CEACAM1: variants seen among roughly 807,000 people sequenced by gnomAD.
CEACAM1 encodes CEA cell adhesion molecule 1.
In CEACAM1, 31 loss-of-function variants were observed where a neutral mutation model predicts 49.1. That is an observed-to-expected ratio of 0.63 (90% CI 0.47 to 0.85). The LOEUF is 0.85. Ranked by LOEUF, CEACAM1 falls within the 40% of genes least tolerant of loss-of-function variation. CEACAM1 has a pLI of 0.00. For synonymous variants in CEACAM1, 244 were observed against 247.8 expected (o/e 0.98, Z 0.14); for missense variants, 570 against 645.3 (o/e 0.88, Z 1.26).
chr19:42,508,593 A>G lies in CEACAM1; in HGVS notation c.*516T>C, dbSNP rs910332715. The G allele has an allele frequency of 6.4e-6, 1 of 156,058 alleles. No individual in the cohort carries two copies. The highest frequency in any genetic ancestry group is 2.4e-5 in the African/African-American group (1 of 41,468). The allele number at this position is 156,058 out of a possible 1,614,324, so 9.7% of individuals were successfully genotyped here. A position where few individuals can be genotyped will look rare whatever the true frequency, so the allele number is the denominator to read the frequency against. On this transcript the variant is annotated 3_prime_UTR_variant, in exon 9 of 9. Transcript: ENST00000161559. ...GGTGTGGCATTTCACTATTGGTTAT[A>G]TATTTGATTTTCTTGTGTTTGGTGA...
rs146194211 is a variant in CEACAM1 at position 42,512,824 on chromosome 19, C to G, written c.1247-345G>C. Among the ~76,000 whole-genome samples the G allele has an allele frequency of 2.4e-4, 36 of 152,162 alleles. 1 individual carries two copies. Among genetic ancestry groups the G allele is most frequent in the African/African-American group, 8.2e-4 (34 of 41,500 alleles). On this transcript the variant is annotated intron_variant, in intron 5 of 8. Transcript: ENST00000161559. The stretch of plus-strand genomic sequence containing the variant: ...TGGACTACAGGCACGTGCCACCACA[C>G]CTGGCTAATTTCTGTATTTTTTTAG...
At chr19:42,516,474 C>G (rs1292243975) in intron 5 of CEACAM1, among the ~76,000 whole-genome samples, 1 of 151,864 alleles carries the variant, frequency 6.6e-6, no homozygotes, top group Non-Finnish European at 1.5e-5. Context: ...CCTGAAAATA[C>G]AAAACATTGC....
At position 42,509,245 on chromosome 19, in the gene CEACAM1, A is replaced by G; in HGVS notation, c.1462-17T>C. The G allele has an allele frequency of 6.3e-7, 1 of 1,595,758 alleles. No homozygotes were observed. The highest frequency in any genetic ancestry group is 1.3e-5 in the African/African-American group (1 of 74,706). ...TTCATTCATCTGAAAAGCACAAATA[A>G]TGATCAGTTAAGTCAGTGACACAGG... On this transcript the variant is annotated splice_polypyrimidine_tract_variant and intron_variant, in intron 8 of 8. Coordinates refer to ENST00000161559, the MANE Select transcript of CEACAM1 (RefSeq NM_001712.5).
intron 8 of CEACAM1, among the ~76,000 whole-genome samples, chr19:42,510,059 TG>T (rs1222541999): frequency 6.6e-6 from 1 of 152,198 alleles, no homozygotes; most frequent in Admixed American, 6.5e-5. Flanking sequence ...TCAGTATGTA[TG>T]TTTGCTCTAT....
intron 5 of CEACAM1, 108 bp from the exon 6 acceptor site, chr19:42,512,587 A>G: frequency 8.7e-7 from 1 of 1,143,314 alleles, no homozygotes; most frequent in Non-Finnish European, 1.3e-6. Context: ...CCTTCAAGGA[A>G]TACAGTTTCG....
chr19:42,525,045 G>A (rs547448690), intron 2 of CEACAM1, among the ~76,000 whole-genome samples: 3 of 152,176 alleles, frequency 2.0e-5, no homozygotes, highest in East Asian at 1.9e-4. Context: ...TCATTCATTC[G>A]TGAGAGAACT....
chr19:42,519,254 T>A lies in CEACAM1; in HGVS notation c.959-19A>T. 3 of 1,613,140 alleles carry A rather than the reference T, an allele frequency of 1.9e-6. No individual in the cohort carries two copies. The highest frequency in any genetic ancestry group is 2.5e-6 in the Non-Finnish European group (3 of 1,179,700). Reference sequence around the variant, plus strand: ...CTTAGCTCTGTGGACAAGCAGAGTATCTGAGATAACCTACTGAGAATAGGG... The same window carrying A: ...CTTAGCTCTGTGGACAAGCAGAGTAACTGAGATAACCTACTGAGAATAGGG... On this transcript the variant is annotated intron_variant, in intron 4 of 8. Transcript: ENST00000161559.
At position 42,518,974 on chromosome 19, in the gene CEACAM1, C is replaced by T. The variant is rs1266959974; in HGVS notation, c.1220G>A (p.Ser407Asn). 2 of 1,614,166 alleles carry T rather than the reference C, an allele frequency of 1.2e-6. No homozygotes were observed. The highest frequency in any genetic ancestry group is 1.7e-6 in the Non-Finnish European group (2 of 1,180,028). Residue 407 changes from serine (S) to asparagine (N), a missense_variant, in exon 5 of 9, where the codon AGC becomes AAC. Coordinates refer to ENST00000161559, the MANE Select transcript of CEACAM1 (RefSeq NM_001712.5). Reference protein sequence around the residue: ...EVFNPISKNQSDPIMLNVNYN... With the variant: ...EVFNPISKNQNDPIMLNVNYN... Reference sequence around the variant, plus strand: ...GTTTACGTTCAGCATGATGGGGTCGCTTTGGTTCTTACTGATTGGGTTGAA... The same window carrying T: ...GTTTACGTTCAGCATGATGGGGTCGTTTTGGTTCTTACTGATTGGGTTGAA...
At chr19:42,521,222 G>A (rs763067440) in intron 4 of CEACAM1, 45 bp downstream of exon 4, 1 of 1,598,650 alleles carries the variant, frequency 6.3e-7, no homozygotes, top group Non-Finnish European at 8.5e-7. Flanking sequence ...AAACCAGAAA[G>A]CTTGTACCCC....
intron 5 of CEACAM1, 84 bp from the exon 6 acceptor site, chr19:42,512,563 A>G (rs1373644934): frequency 2.3e-6 from 3 of 1,330,380 alleles, no homozygotes; most frequent in Admixed American, 3.6e-5. Context: ...AGAATGAAGT[A>G]GTTTCTAATT....
At chr19:42,519,291 G>A in intron 4 of CEACAM1, 56 bp from the exon 5 acceptor site, 5 of 1,560,634 alleles carry the variant, frequency 3.2e-6, no homozygotes, top group Non-Finnish European at 4.4e-6. Context: ...TGGGGCCTGG[G>A]GCCTAGGGCT....
rs186753470 is a variant in CEACAM1 at position 42,512,564 on chromosome 19, G to T, written c.1247-85C>A. ...GGGAAACAACTCTCAGAATGAAGTA[G>T]TTTCTAATTGTTCCTTCAAGGAATA... On this transcript the variant is annotated intron_variant, in intron 5 of 8. Coordinates refer to ENST00000161559, the MANE Select transcript of CEACAM1 (RefSeq NM_001712.5). 1.1e-3 allele frequency: 1,408 copies of T among 1,296,940 alleles called. 16 individuals carry two copies. Among genetic ancestry groups the T allele is most frequent in the Non-Finnish European group, 7.0e-5 (64 of 909,240 alleles). The allele number at this position is 1,296,940 out of a possible 1,614,324, so 80.3% of individuals were successfully genotyped here. A position where few individuals can be genotyped will look rare whatever the true frequency, so the allele number is the denominator to read the frequency against.
chr19:42,510,187 G>A (rs1339162606), intron 8 of CEACAM1, among the ~76,000 whole-genome samples: 2 of 152,090 alleles, frequency 1.3e-5, no homozygotes, highest in East Asian at 1.9e-4. Context: ...CTGGGTTCAC[G>A]CCATTCTCCT....
At position 42,527,213 on chromosome 19, in the gene CEACAM1, T is replaced by C; in HGVS notation, c.252A>G (p.Ile84Met). ...DGNRQIVGYA[I>M]GTQQATPGPA... The stretch of plus-strand genomic sequence containing the variant: ...GCCCTGGGGTAGCTTGTTGAGTTCC[T>C]ATTGCATATCCTACAATTTGACGGT... Residue 84 changes from isoleucine to methionine, a missense_variant, in exon 2 of 9, where the codon ATA (isoleucine) becomes ATG (methionine). By Grantham distance (10) the Ile-to-Met change is conservative (BLOSUM62 1). Transcript: ENST00000161559. The C allele has an allele frequency of 6.2e-7, 1 of 1,614,200 alleles. No individual in the cohort carries two copies. Among genetic ancestry groups the C allele is most frequent in the Non-Finnish European group, 8.5e-7 (1 of 1,180,024 alleles).
rs1337716146 is a variant in CEACAM1, at chr19:42,512,455, C to T, written c.1271G>A (p.Gly424Asp). 1.2e-6 allele frequency: 2 copies of T among 1,614,070 alleles called. No homozygotes were observed. The highest frequency in any genetic ancestry group is 1.1e-5 in the South Asian group (1 of 91,064). Residue 424 changes from glycine to aspartate, a missense_variant, in exon 6 of 9, where the codon GGC becomes GAC. Physicochemically the swap from Gly to Asp is moderately conservative, Grantham distance 94. Transcript: ENST00000161559. ...VNYNALPQENGLSPGAIAGIV... is the reference protein window; with the variant it reads ...VNYNALPQENDLSPGAIAGIV... Reference sequence around the variant, plus strand: ...GCCAGCAATGGCCCCAGGTGAGAGGCCATTTTCTTGTGGTAGAGCATTATC... The same window carrying T: ...GCCAGCAATGGCCCCAGGTGAGAGGTCATTTTCTTGTGGTAGAGCATTATC...
chr19:42,528,333 G>A lies in CEACAM1; in HGVS notation c.42C>T (p.Pro14=), dbSNP rs1024774200. 1.9e-6 allele frequency: 3 copies of A among 1,613,578 alleles called. No homozygotes were observed. In the Admixed American group the frequency reaches 5.0e-5, roughly 27 times the overall value. Residue 14 remains proline (P), a synonymous_variant, in exon 1 of 9, where the codon CCC becomes CCT. Transcript: ENST00000161559. ...CACCTGTGAGCAGAAGCCCCTGCCA[G>A]GGTACACGCACTCTGTGAAGTGGGG... ...LSAPLHRVRV[P]WQGLLLTASL...
chr19:42,520,034 A>G (rs2041704758), intron 4 of CEACAM1, among the ~76,000 whole-genome samples: 1 of 152,188 alleles, frequency 6.6e-6, no homozygotes, highest in Non-Finnish European at 1.5e-5. Flanking sequence ...AATCCGAAGG[A>G]TTTCCCACTG....
Position 42,521,479 on chromosome 19 carries a change from T to C in CEACAM1, c.746A>G (p.Tyr249Cys), listed in dbSNP as rs1240392553. 6.2e-7 allele frequency: 1 copy of C among 1,614,034 alleles called. No individual in the cohort carries two copies. The highest frequency in any genetic ancestry group is 2.2e-5 in the East Asian group (1 of 44,878). ...TPTISPSDTY[Y>C]RPGANLSLSC... is the part of the protein sequence containing the mutation. ...GAGGCTGAGGTTTGCCCCTGGACGG[T>C]AATAGGTGTCTGAAGGGGAAATGGT... The change falls in exon 4 of 9, where the codon TAC becomes TGC. Residue 249 changes from tyrosine (Y) to cysteine (C), a missense_variant. Coordinates refer to ENST00000161559, the MANE Select transcript of CEACAM1 (RefSeq NM_001712.5).
chr19:42,511,087 G>C (rs546208254), intron 7 of CEACAM1, 167 bp from the exon 8 acceptor site: 33 of 655,148 alleles, frequency 5.0e-5, no homozygotes, highest in Middle Eastern at 5.8e-4. Flanking sequence ...GTACCAGAGA[G>C]GGGGCAGGGG....
Sources: gnomAD v4.1 joint callset for allele counts (sites outside exome capture counted in the v4.1 genomes callset) on GRCh38, gnomAD v4.1.1 for gene constraint, MANE v1.5 for transcripts, NCBI Gene and HGNC (gene_info 2026-07-23, HGNC 2026-07-21) for gene names.